C12orf54: variants seen among roughly 807,000 people sequenced by gnomAD.
The protein encoded by C12orf54 is uncharacterized protein C12orf54.
Under a neutral mutation model 26.4 loss-of-function variants are expected in C12orf54, and 24 were observed. The ratio of observed to expected loss-of-function variants is 0.91; its 90% CI spans 0.66 to 1.28. The LOEUF is 1.28. C12orf54 is among the 50% of genes most tolerant of loss of function. C12orf54 has a pLI of 0.00. For synonymous variants in C12orf54, 54 were observed against 47.0 expected (o/e 1.15, Z -0.61); for missense variants, 154 against 150.9 (o/e 1.02, Z -0.11).
At chr12:48,491,110 C>T (rs529202936) in intron 6 of C12orf54, among the ~76,000 whole-genome samples, 18 of 152,316 alleles carry the variant, frequency 1.2e-4, no homozygotes, top group Middle Eastern at 3.4e-3. Flanking sequence ...TCAATTGCCT[C>T]GTGTCTGAGT....
At chr12:48,447,460 C>G in the C12orf54 span, among the ~76,000 whole-genome samples, 1 of 151,726 alleles carries the variant, frequency 6.6e-6, no homozygotes, top group Non-Finnish European at 1.5e-5. Context: ...AATGCCTCTA[C>G]CTGTGCTTTA....
the C12orf54 span, among the ~76,000 whole-genome samples, chr12:48,437,299 C>A: frequency 6.6e-6 from 1 of 152,184 alleles, no homozygotes; most frequent in Non-Finnish European, 1.5e-5. Flanking sequence ...CAGATGGATT[C>A]ACAGCTGAAT....
chr12:48,470,132 T>G, the C12orf54 span, among the ~76,000 whole-genome samples: 1 of 152,364 alleles, frequency 6.6e-6, no homozygotes, highest in Non-Finnish European at 1.5e-5. Context: ...TCTTTACTAC[T>G]CTGAATAGTG....
upstream of C12orf54, among the ~76,000 whole-genome samples, chr12:48,478,582 C>T (rs543406048): frequency 6.6e-6 from 1 of 152,106 alleles, no homozygotes; most frequent in Non-Finnish European, 1.5e-5. Context: ...ACAAAAATCA[C>T]AAGCATTCTT....
At chr12:48,431,268 C>T in the C12orf54 span, among the ~76,000 whole-genome samples, 233 of 152,198 alleles carry the variant, frequency 1.5e-3, no homozygotes, top group African/African-American at 5.2e-3. Flanking sequence ...AACCAAACAC[C>T]ACCTGTACCC....
chr12:48,432,172 TTTG>T, the C12orf54 span, among the ~76,000 whole-genome samples: 1 of 152,342 alleles, frequency 6.6e-6, no homozygotes, highest in East Asian at 1.9e-4. Flanking sequence ...ACTGATACAA[TTTG>T]TTATTAACAA....
the C12orf54 span, among the ~76,000 whole-genome samples, chr12:48,434,082 A>T: frequency 1.3e-5 from 2 of 152,202 alleles, no homozygotes; most frequent in East Asian, 3.9e-4. Flanking sequence ...TGCTTTTCCA[A>T]TGGGCTTAAC....
At chr12:48,427,219 A>C in the C12orf54 span, among the ~76,000 whole-genome samples, 31 of 152,158 alleles carry the variant, frequency 2.0e-4, no homozygotes, top group Admixed American at 1.9e-3. Flanking sequence ...TGGGTTTGTC[A>C]CAGATAGCTC....
the C12orf54 span, among the ~76,000 whole-genome samples, chr12:48,413,802 TG>T: frequency 6.6e-6 from 1 of 152,226 alleles, no homozygotes; most frequent in East Asian, 1.9e-4. Flanking sequence ...CTACCTACTT[TG>T]TATTGCTTGA....
intron 5 of C12orf54, among the ~76,000 whole-genome samples, chr12:48,489,972 T>G (rs2137093416): frequency 6.6e-6 from 1 of 152,174 alleles, no homozygotes; most frequent in Non-Finnish European, 1.5e-5. Context: ...TCCACCCACC[T>G]CAGCCTCCCA....
At chr12:48,486,602 T>A in intron 3 of C12orf54, 86 bp from the exon 4 acceptor site, 1 of 1,403,744 alleles carries the variant, frequency 7.1e-7, no homozygotes, top group Non-Finnish European at 1.0e-6. Context: ...AGAAACATCT[T>A]GTCTTCCACC....
chr12:48,436,612 C>T, the C12orf54 span, among the ~76,000 whole-genome samples: 8 of 152,096 alleles, frequency 5.3e-5, no homozygotes, highest in Non-Finnish European at 8.8e-5. Flanking sequence ...CACTCAAAAC[C>T]GCTCAACTAC....
At chr12:48,474,522 A>G in the C12orf54 span, among the ~76,000 whole-genome samples, 1 of 152,194 alleles carries the variant, frequency 6.6e-6, no homozygotes, top group African/African-American at 2.4e-5. Flanking sequence ...TGGCACCTGG[A>G]AAATCGGGTC....
upstream of C12orf54, among the ~76,000 whole-genome samples, chr12:48,480,709 T>A (rs1954189685): frequency 6.6e-6 from 1 of 152,156 alleles, no homozygotes; most frequent in Non-Finnish European, 1.5e-5. Flanking sequence ...TTACTTTGGA[T>A]ATACCCAAAG....
At chr12:48,479,515 T>C (rs371019344), upstream of C12orf54, among the ~76,000 whole-genome samples, 1 of 151,500 alleles carries the variant, frequency 6.6e-6, no homozygotes, top group African/African-American at 2.4e-5. Context: ...AGTATAATAA[T>C]AATAAAATAA....
At chr12:48,494,182 G>A (rs553551640) in intron 7 of C12orf54, among the ~76,000 whole-genome samples, 12 of 151,108 alleles carry the variant, frequency 7.9e-5, no homozygotes, top group African/African-American at 2.9e-4. Context: ...TTGTGCCATT[G>A]CACTCCAGTC....
the C12orf54 span, among the ~76,000 whole-genome samples, chr12:48,423,360 A>G: frequency 6.6e-6 from 1 of 152,134 alleles, no homozygotes; most frequent in African/African-American, 2.4e-5. Flanking sequence ...AACAAATACT[A>G]CAGGAAAGAG....
chr12:48,482,337 A>G (rs1420533199), upstream of C12orf54, among the ~76,000 whole-genome samples: 2 of 152,208 alleles, frequency 1.3e-5, no homozygotes, highest in African/African-American at 4.8e-5. Flanking sequence ...AGAAATTAAA[A>G]TTAAAATCCC....
At chr12:48,414,444 T>G in the C12orf54 span, among the ~76,000 whole-genome samples, 3 of 152,246 alleles carry the variant, frequency 2.0e-5, no homozygotes, top group Non-Finnish European at 4.4e-5. Flanking sequence ...ATGTGTTTAG[T>G]TTTGGATAAA....
Sources: allele counts gnomAD v4.1 joint callset (sites outside exome capture counted in the v4.1 genomes callset), GRCh38; gene constraint gnomAD v4.1.1; transcripts MANE v1.5; gene names NCBI Gene and HGNC (gene_info 2026-07-23, HGNC 2026-07-21).